The following MINK1 variants were observed in gnomAD, a reference collection of about 807,000 sequenced individuals.
MINK1 encodes the protein misshapen-like kinase 1.
MINK1 carries 46 observed loss-of-function variants against 178.4 expected under a neutral mutation model. The ratio of observed to expected loss-of-function variants is 0.26; its 90% confidence interval spans 0.20 to 0.33. The LOEUF (loss-of-function observed/expected upper bound fraction) is 0.33. Among genes scored for constraint, MINK1 ranks in the 10% least tolerant of loss-of-function variants. The probability of loss-of-function intolerance (pLI) is 1.00; values close to 1 mark genes in which losing one functional copy is unlikely to be tolerated. For missense variants in MINK1, 1,366 were observed against 1,814.9 expected, an observed-to-expected ratio of 0.75 and a Z score of 4.49; for synonymous variants, 797 against 709.7, an observed-to-expected ratio of 1.12 and a Z score of -1.96.
intron 1 of MINK1, among the ~76,000 whole-genome samples, chr17:4,849,721 G>A (rs950942095): frequency 2.0e-5 from 3 of 152,046 alleles, no homozygotes; most frequent in African/African-American, 2.4e-5. Context: ...ACAGGCACCC[G>A]CCACCATGCC....
chr17:4,890,665 G>C lies in MINK1; in HGVS notation c.1496G>C (p.Gly499Ala). The change falls in exon 14 of 32, where the codon GGG (glycine) becomes GCG (alanine). Residue 499 changes from glycine (G) to alanine (A), a missense_variant. Transcript: ENST00000355280. Reference sequence around the variant, plus strand: ...CAGCAGCAGCAGCAGCTCCTGCCTGGGGACAGGAAGCCCCTGTACCATTAT... The same window carrying C: ...CAGCAGCAGCAGCAGCTCCTGCCTGCGGACAGGAAGCCCCTGTACCATTAT... ...QKQQQQQLLP[G>A]DRKPLYHYGR... 3 of 1,551,310 alleles carry C rather than the reference G, an allele frequency of 1.9e-6. No homozygotes were observed. In the South Asian group the frequency reaches 3.6e-5, roughly 18 times the overall value.
Position 4,885,637 on chromosome 17 carries a change from A to C in MINK1, c.639+24A>C, listed in dbSNP as rs1245836320. The stretch of plus-strand genomic sequence containing the variant: ...GGGTATGGAGTGGAAAGTTGGGAGC[A>C]TGGGGGCTGCCAAGGGCGGGAAGCA... On this transcript the variant is annotated intron_variant, in intron 7 of 31. Transcript: ENST00000355280. The surrounding 1 kb of genome is among the most constrained non-coding windows in gnomAD (Gnocchi z 5.0). 1 of 1,613,422 alleles carries C rather than the reference A, an allele frequency of 6.2e-7. No homozygotes were observed.
chr17:4,878,272 T>C (rs1167480717), intron 1 of MINK1, 45 bp from the exon 2 acceptor site: 3 of 1,513,230 alleles, frequency 2.0e-6, no homozygotes, highest in East Asian at 2.5e-5. Flanking sequence ...TCTGTAATCC[T>C]TTTCTAAAGT....
intron 1 of MINK1, among the ~76,000 whole-genome samples, chr17:4,855,764 C>A (rs1472630604): frequency 1.6e-4 from 21 of 132,698 alleles, no homozygotes; most frequent in African/African-American, 5.9e-4. Context: ...AGCAAGACTC[C>A]GTCTCAAAAA....
intron 13 of MINK1, chr17:4,889,998 T>G: frequency 4.4e-5 from 18 of 405,570 alleles, no homozygotes; most frequent in African/African-American, 4.5e-5. Context: ...CCCCGACCCC[T>G]TCCTCATCCC....
At position 4,842,222 on chromosome 17, in the gene MINK1, C is replaced by CAA. The variant is rs144657930; in HGVS notation, c.57+8596_57+8597dup. Among the ~76,000 whole-genome samples the CAA allele has an allele frequency of 2.6e-3, 334 of 126,970 alleles. 3 individuals carry two copies. Among genetic ancestry groups the CAA allele is most frequent in the Middle Eastern group, 4.1e-3 (1 of 244 alleles). The allele number at this position is 126,970 out of a possible 152,430, so 83.3% of individuals were successfully genotyped here. ...CTGGGCGACAGAGCGAGACTCTGTC[C>CAA]AAAAAAAAAAAAAAACTGCCTTGGG... On this transcript the variant is annotated intron_variant, in intron 1 of 31. Coordinates refer to ENST00000355280, the MANE Select transcript of MINK1 (RefSeq NM_153827.5).
At chr17:4,850,422 T>G (rs1309228815) in intron 1 of MINK1, among the ~76,000 whole-genome samples, 1 of 152,180 alleles carries the variant, frequency 6.6e-6, no homozygotes, top group Non-Finnish European at 1.5e-5. Context: ...GGTTGGTCCT[T>G]GGTGGGGCCA....
chr17:4,897,078 TCTC>T (rs1279945151), intron 31 of MINK1, 123 bp from the exon 32 acceptor site: 1 of 902,008 alleles, frequency 1.1e-6, no homozygotes, highest in Non-Finnish European at 1.7e-6. Context: ...GCACTGTGAG[TCTC>T]CTCCTGCAGT....
At chr17:4,897,106 C>T in intron 31 of MINK1, 98 bp from the exon 32 acceptor site, 5 of 1,076,042 alleles carry the variant, frequency 4.6e-6, no homozygotes, top group Non-Finnish European at 5.5e-6. Context: ...GTGTCTCCCT[C>T]AACTCTTCTG....
In MINK1 at chr17:4,896,267, C is replaced by A. The variant is rs1159445668; in HGVS notation, c.3540C>A (p.Ile1180=). ...TVEEGQRLKV[I]YGSSAGFHAV... ...AGGAGGGGCAGCGGCTCAAGGTCAT[C>A]TATGGCTCCAGTGCTGGCTTCCATG... The change falls in exon 29 of 32, where the codon ATC becomes ATA. Residue 1180 remains isoleucine (I), a synonymous_variant. Transcript: ENST00000355280. This position sits in a 1 kb window ranked among gnomAD's most constrained non-coding sequence, Gnocchi z 4.6. 20 of 1,607,828 alleles carry A rather than the reference C, an allele frequency of 1.2e-5. No individual in the cohort carries two copies. Among genetic ancestry groups the A allele is most frequent in the Non-Finnish European group, 1.7e-5 (20 of 1,176,694 alleles).
At chr17:4,860,165 A>G (rs1005923129) in intron 1 of MINK1, among the ~76,000 whole-genome samples, 1 of 152,182 alleles carries the variant, frequency 6.6e-6, no homozygotes, top group Non-Finnish European at 1.5e-5. Flanking sequence ...GGGTAGCCAG[A>G]GTTCTCATCT....
chr17:4,833,449 C>A lies in MINK1; in HGVS notation c.-135C>A. 1 of 670,040 alleles carries A rather than the reference C, an allele frequency of 1.5e-6. No homozygotes were observed. Among genetic ancestry groups the A allele is most frequent in the East Asian group, 3.3e-5 (1 of 29,900 alleles). The allele number at this position is 670,040 out of a possible 1,614,324, so 41.5% of individuals were successfully genotyped here. A position where few individuals can be genotyped will look rare whatever the true frequency, so the allele number is the denominator to read the frequency against. On this transcript the variant is annotated 5_prime_UTR_variant, in exon 1 of 32. Coordinates refer to ENST00000355280, the MANE Select transcript of MINK1 (RefSeq NM_153827.5). This position sits in a 1 kb window ranked among gnomAD's most constrained non-coding sequence, Gnocchi z 4.8. ...GGTCGGTCCTCGCGCCGGCCCTCCC[C>A]CTCCCCGGTCTCCGGGGGAGGCGCG...
chr17:4,882,499 C>T (rs1005368315), intron 4 of MINK1, among the ~76,000 whole-genome samples: 2 of 152,154 alleles, frequency 1.3e-5, no homozygotes, highest in African/African-American at 2.4e-5. Context: ...TTGCAGCTGT[C>T]GAGGTAGACC....
At position 4,881,273 on chromosome 17, in the gene MINK1, C is replaced by T; in HGVS notation, c.306+16C>T. The T allele has an allele frequency of 6.5e-7, 1 of 1,536,146 alleles. No homozygotes were observed. The highest frequency in any genetic ancestry group is 1.7e-4 in the Middle Eastern group (1 of 5,744). ...CCAGCTCTGGGTGAGAAACGCCCCCCTGCCCGCCTTCCCTCCCCGCAATCC... is the reference window on the plus strand; with the variant it reads ...CCAGCTCTGGGTGAGAAACGCCCCCTTGCCCGCCTTCCCTCCCCGCAATCC... On this transcript the variant is annotated intron_variant, in intron 4 of 31. Coordinates refer to ENST00000355280, the MANE Select transcript of MINK1 (RefSeq NM_153827.5).
Position 4,881,299 on chromosome 17 carries a change from C to G in MINK1, c.306+42C>G, listed in dbSNP as rs543808304. 10 of 1,530,784 alleles carry G rather than the reference C, an allele frequency of 6.5e-6. No homozygotes were observed. The African/African-American group carries it at 9.6e-5, about 15-fold the overall frequency. 94.8% of individuals were successfully genotyped at this position (1,530,784 alleles called of 1,614,324 possible). On this transcript the variant is annotated intron_variant, in intron 4 of 31. Coordinates refer to ENST00000355280, the MANE Select transcript of MINK1 (RefSeq NM_153827.5). Reference sequence around the variant, plus strand: ...TGCCCGCCTTCCCTCCCCGCAATCCCTGTCTCCGGGCTGTTCACTAGGACT... The same window carrying G: ...TGCCCGCCTTCCCTCCCCGCAATCCGTGTCTCCGGGCTGTTCACTAGGACT...
At chr17:4,870,207 C>T (rs931400040) in intron 1 of MINK1, among the ~76,000 whole-genome samples, 9 of 149,634 alleles carry the variant, frequency 6.0e-5, no homozygotes, top group East Asian at 3.9e-4. Flanking sequence ...TCACTGCGCC[C>T]GGCCAATTTT....
intron 1 of MINK1, among the ~76,000 whole-genome samples, chr17:4,845,187 C>G (rs1032397578): frequency 1.3e-5 from 2 of 152,188 alleles, no homozygotes; most frequent in African/African-American, 4.8e-5. Context: ...CACAACCCCC[C>G]TCCCAGCTCT....
At chr17:4,889,872 C>T in intron 13 of MINK1, 109 bp downstream of exon 13, 1 of 755,918 alleles carries the variant, frequency 1.3e-6, no homozygotes, top group East Asian at 2.7e-5. Flanking sequence ...CAGATTCCTC[C>T]TATCTTTTCT....
At chr17:4,889,601 C>A (rs1485946459) in intron 12 of MINK1, 46 bp from the exon 13 acceptor site, 2 of 1,485,652 alleles carry the variant, frequency 1.3e-6, no homozygotes, top group Non-Finnish European at 9.2e-7. Flanking sequence ...GCAGTGCTGA[C>A]GCGATGTCCG....
Sources: allele counts gnomAD v4.1 joint callset (sites outside exome capture counted in the v4.1 genomes callset), GRCh38; gene constraint gnomAD v4.1.1; non-coding constraint Gnocchi (gnomAD v3.1); transcripts MANE v1.5; gene names NCBI Gene and HGNC (gene_info 2026-07-23, HGNC 2026-07-21).